The following IL1RAPL2 variants were observed in gnomAD, a reference collection of about 807,000 sequenced individuals.
The protein encoded by IL1RAPL2 is interleukin 1 receptor accessory protein like 2, also known as X-linked interleukin-1 receptor accessory protein-like 2.
Under a neutral mutation model 44.1 loss-of-function variants are expected in IL1RAPL2, and 3 were observed. That is an observed-to-expected ratio of 0.07 (90% CI 0.03 to 0.18). The LOEUF (loss-of-function observed/expected upper bound fraction) is 0.18. IL1RAPL2 is among the 10% of genes least tolerant of loss of function. The probability of loss-of-function intolerance (pLI) is 1.00; values close to 1 mark genes in which losing one functional copy is unlikely to be tolerated. For missense variants in IL1RAPL2, 391 were observed against 496.4 expected (o/e 0.79, Z 2.02); for synonymous variants, 181 against 178.8 (o/e 1.01, Z -0.10).
At chrX:104,744,568 C>G (rs1300314340) in intron 2 of IL1RAPL2, among the ~76,000 whole-genome samples, 1 of 111,305 alleles carries the variant, frequency 9.0e-6, no homozygotes, top group Non-Finnish European at 1.9e-5. Context: ...GTCACTTATT[C>G]ACTCAACAAA....
chrX:105,678,445 A>ATTAT (rs1464861699), intron 6 of IL1RAPL2, among the ~76,000 whole-genome samples: 1 of 111,543 alleles, frequency 9.0e-6, no homozygotes, highest in Non-Finnish European at 1.9e-5. Flanking sequence ...GGTCTTATCT[A>ATTAT]TTATTTCTAA....
chrX:105,701,710 C>A lies in IL1RAPL2; in HGVS notation c.773-15657C>A, dbSNP rs2038120808. 3.6e-5 allele frequency among the ~76,000 whole-genome samples: 4 copies of A among 111,857 alleles called. No individual in the cohort carries two copies. In the South Asian group the frequency reaches 1.5e-3, roughly 41 times the overall value. ...TCGACTCCTTACCAATTTATTTGAT[C>A]ATTTTAAGAGCATCTTCATAGATTT... On this transcript the variant is annotated intron_variant, in intron 6 of 10. Transcript: ENST00000372582.
At position 105,740,669 on chromosome X, in the gene IL1RAPL2, C is replaced by T; in HGVS notation, c.1026C>T (p.Ala342=). ...AAAACCGAAATGGACGGAAACATGC[C>T]AGTGTTTTGCTGCGTAAAAAGGGTA... The part of the protein sequence containing the change: ...HVENRNGRKH[A]SVLLRKKDLI... Residue 342 remains alanine (A), a synonymous_variant, in exon 8 of 11, where the codon GCC becomes GCT. Transcript: ENST00000372582. 8.3e-7 allele frequency: 1 copy of T among 1,207,527 alleles called. No individual in the cohort carries two copies. The highest frequency in any genetic ancestry group is 2.3e-4 in the Middle Eastern group (1 of 4,328).
chrX:105,655,488 A>G (rs781077771), intron 6 of IL1RAPL2, among the ~76,000 whole-genome samples: 5 of 112,182 alleles, frequency 4.5e-5, no homozygotes, highest in Admixed American at 1.9e-4. Context: ...TTATGTTCCA[A>G]TGGACTTGTT....
intron 2 of IL1RAPL2, among the ~76,000 whole-genome samples, chrX:104,875,445 A>G (rs1922877653): frequency 8.9e-6 from 1 of 111,822 alleles, no homozygotes; most frequent in Non-Finnish European, 1.9e-5. Flanking sequence ...TATGAAAAAG[A>G]AACCATGTGA....
At chrX:105,054,081 A>G (rs1298673306) in intron 2 of IL1RAPL2, among the ~76,000 whole-genome samples, 1 of 111,711 alleles carries the variant, frequency 9.0e-6, no homozygotes, top group Non-Finnish European at 1.9e-5. Context: ...GCCAGAGCCT[A>G]TTCTGGCAGT....
At chrX:105,272,442 G>A (rs898673725) in intron 5 of IL1RAPL2, among the ~76,000 whole-genome samples, 4 of 111,769 alleles carry the variant, frequency 3.6e-5, no homozygotes, top group African/African-American at 1.3e-4. Context: ...TTTTAGACAT[G>A]AGCATTAGCT....
At chrX:104,866,923 T>A (rs564036125) in intron 2 of IL1RAPL2, among the ~76,000 whole-genome samples, 1 of 111,146 alleles carries the variant, frequency 9.0e-6, no homozygotes, top group South Asian at 3.8e-4. Context: ...TCCTAGTATA[T>A]AGCAAAGATT....
chrX:105,071,845 C>T (rs1410351625), intron 2 of IL1RAPL2, among the ~76,000 whole-genome samples: 2 of 111,854 alleles, frequency 1.8e-5, no homozygotes, highest in Non-Finnish European at 3.8e-5. Context: ...TAGACTCTCA[C>T]ATCATATATG....
intron 2 of IL1RAPL2, among the ~76,000 whole-genome samples, chrX:104,942,706 C>T (rs1034750062): frequency 1.3e-4 from 15 of 111,197 alleles, no homozygotes; most frequent in Non-Finnish European, 5.7e-5. Flanking sequence ...TGCCTGATTG[C>T]CCTGGCCAGA....
chrX:105,173,697 G>A lies in IL1RAPL2; in HGVS notation c.83-21778G>A, dbSNP rs775356216. On this transcript the variant is annotated intron_variant, in intron 2 of 10. Transcript: ENST00000372582. ...TGCTAGCATATGGAGTTGATGTTGA[G>A]GTGTTATACCTAGAGTTCTAACTGC... is the stretch of plus-strand genomic sequence containing the variant. Among the ~76,000 whole-genome samples the A allele has an allele frequency of 2.7e-5, 3 of 110,265 alleles. No homozygotes were observed. The Admixed American group carries it at 2.9e-4, about 11-fold the overall frequency.
chrX:105,721,064 A>G (rs1247907741), intron 7 of IL1RAPL2, among the ~76,000 whole-genome samples: 1 of 111,464 alleles, frequency 9.0e-6, no homozygotes, highest in Non-Finnish European at 1.9e-5. Flanking sequence ...ATGTCCATCA[A>G]CAGGTGAATA....
intron 2 of IL1RAPL2, among the ~76,000 whole-genome samples, chrX:104,673,723 C>T (rs760291173): frequency 5.5e-5 from 6 of 109,222 alleles, no homozygotes; most frequent in African/African-American, 1.0e-4. Context: ...ATTCTTCCTA[C>T]CCATGAGCAT....
At chrX:104,935,141 T>C (rs1443800801) in intron 2 of IL1RAPL2, among the ~76,000 whole-genome samples, 1 of 112,508 alleles carries the variant, frequency 8.9e-6, no homozygotes, top group Non-Finnish European at 1.9e-5. Flanking sequence ...AGATTGTTCA[T>C]AATTTTTTGT....
intron 2 of IL1RAPL2, among the ~76,000 whole-genome samples, chrX:104,743,655 A>G (rs1932129846): frequency 1.8e-5 from 2 of 111,112 alleles, no homozygotes; most frequent in Non-Finnish European, 3.8e-5. Context: ...GAGGTGCAAA[A>G]GGATCCTGCT....
At chrX:105,647,179 CG>C (rs1569461516) in intron 6 of IL1RAPL2, among the ~76,000 whole-genome samples, 1 of 112,149 alleles carries the variant, frequency 8.9e-6, no homozygotes, top group Non-Finnish European at 1.9e-5. Context: ...GGATCAGAAG[CG>C]TAGCGGACAC....
At chrX:105,623,332 A>AAC (rs751333861) in intron 6 of IL1RAPL2, among the ~76,000 whole-genome samples, 134 of 109,389 alleles carry the variant, frequency 1.2e-3, no homozygotes, top group Non-Finnish European at 2.0e-3. Flanking sequence ...TAAGTGAGGT[A>AAC]ACACACACAC....
chrX:104,612,508 C>T (rs979277631), intron 1 of IL1RAPL2, among the ~76,000 whole-genome samples: 2 of 110,972 alleles, frequency 1.8e-5, no homozygotes, highest in Non-Finnish European at 3.8e-5. Context: ...CTTATTTCTA[C>T]GTTCTGTATT....
intron 6 of IL1RAPL2, among the ~76,000 whole-genome samples, chrX:105,615,689 G>A (rs1318662146): frequency 1.8e-5 from 2 of 111,942 alleles, no homozygotes; most frequent in Admixed American, 9.5e-5. Context: ...TCTGAGAAAC[G>A]TAGTGAGGGG....
Sources: gnomAD v4.1 joint callset for allele counts (sites outside exome capture counted in the v4.1 genomes callset) on GRCh38, gnomAD v4.1.1 for gene constraint, MANE v1.5 for transcripts, NCBI Gene and HGNC (gene_info 2026-07-23, HGNC 2026-07-21) for gene names.